The following DIXDC1 variants were observed in gnomAD, a reference collection of about 807,000 sequenced individuals.
The protein encoded by DIXDC1 is dixin.
Under a neutral mutation model 103.1 loss-of-function variants are expected in DIXDC1, and 64 were observed. The observed-to-expected ratio is 0.62, with a 90% confidence interval of 0.51 to 0.76. DIXDC1 has a LOEUF of 0.76. Ranked by LOEUF, DIXDC1 falls within the 30% of genes least tolerant of loss-of-function variation. DIXDC1 has a pLI of 0.00. For missense variants in DIXDC1, 759 were observed against 834.2 expected (o/e 0.91, Z 1.11); for synonymous variants, 266 against 298.5 (o/e 0.89, Z 1.12).
At chr11:111,981,778 C>T (rs587754514) in intron 6 of DIXDC1, among the ~76,000 whole-genome samples, 140 of 152,244 alleles carry the variant, frequency 9.2e-4, no homozygotes, top group African/African-American at 3.2e-3. Context: ...GACAAGGAAA[C>T]CAGAGCAAAG....
chr11:111,994,917 A>C lies in DIXDC1; in HGVS notation c.1438-102A>C, dbSNP rs977914938. On this transcript the variant is annotated intron_variant, in intron 14 of 19. Transcript: ENST00000440460. Reference sequence around the variant, plus strand: ...AGAGAGCCATTAAACAGACAATTATATACTTCATCAGGAAGTGATAAATGT... The same window carrying C: ...AGAGAGCCATTAAACAGACAATTATCTACTTCATCAGGAAGTGATAAATGT... 2.7e-5 allele frequency: 29 copies of C among 1,067,308 alleles called. No homozygotes were observed. The South Asian group carries it at 3.0e-4, about 11-fold the overall frequency. 66.1% of individuals were successfully genotyped at this position (1,067,308 alleles called of 1,614,324 possible).
At chr11:111,986,519 C>A (rs1860496617) in intron 8 of DIXDC1, among the ~76,000 whole-genome samples, 1 of 151,980 alleles carries the variant, frequency 6.6e-6, no homozygotes, top group Non-Finnish European at 1.5e-5. Context: ...TGTGCACCAC[C>A]ACACCTGGCT....
intron 1 of DIXDC1, among the ~76,000 whole-genome samples, chr11:111,959,140 A>G (rs1221239888): frequency 2.0e-5 from 3 of 152,190 alleles, no homozygotes; most frequent in African/African-American, 4.8e-5. Context: ...GGACCTGCCA[A>G]ATGGTGGGGC....
intron 5 of DIXDC1, chr11:111,975,403 A>G: frequency 9.7e-7 from 1 of 1,032,918 alleles, no homozygotes; most frequent in Non-Finnish European, 1.2e-6. Flanking sequence ...GAAGAAATTG[A>G]GCAGAGTTGT....
chr11:111,963,769 T>C (rs1859646359), intron 1 of DIXDC1, among the ~76,000 whole-genome samples: 2 of 152,218 alleles, frequency 1.3e-5, no homozygotes, highest in African/African-American at 4.8e-5. Flanking sequence ...GAATGAGTTG[T>C]ATGTCCCTAC....
At chr11:111,967,561 C>T (rs2137517198) in intron 2 of DIXDC1, among the ~76,000 whole-genome samples, 1 of 152,338 alleles carries the variant, frequency 6.6e-6, no homozygotes, top group East Asian at 1.9e-4. Flanking sequence ...TGTTTCCTCT[C>T]TCCATAGTCT....
At chr11:112,009,022 G>GT (rs1555176962) in intron 17 of DIXDC1, among the ~76,000 whole-genome samples, 1 of 152,102 alleles carries the variant, frequency 6.6e-6, no homozygotes, top group African/African-American at 2.4e-5. Flanking sequence ...CCAGGAGCTG[G>GT]TTTTTTGAAG....
intron 9 of DIXDC1, among the ~76,000 whole-genome samples, chr11:111,988,024 G>A (rs781949793): frequency 6.6e-6 from 1 of 151,676 alleles, no homozygotes; most frequent in Non-Finnish European, 1.5e-5. Flanking sequence ...TTTTGAGACA[G>A]AGTCTCACTC....
upstream of DIXDC1, among the ~76,000 whole-genome samples, chr11:111,933,453 G>C (rs1295280326): frequency 2.0e-5 from 3 of 151,768 alleles, no homozygotes; most frequent in East Asian, 5.8e-4. Flanking sequence ...TTTTTTTGAG[G>C]CAGTGTCTCA....
chr11:111,986,221 A>T (rs1304153422), intron 8 of DIXDC1, among the ~76,000 whole-genome samples: 1 of 152,126 alleles, frequency 6.6e-6, no homozygotes, highest in Admixed American at 6.5e-5. Context: ...ACCCTTCTGC[A>T]TACAACTTTT....
At chr11:111,990,693 T>C (rs892848233) in intron 10 of DIXDC1, among the ~76,000 whole-genome samples, 2 of 152,036 alleles carry the variant, frequency 1.3e-5, no homozygotes, top group Non-Finnish European at 2.9e-5. Context: ...GCCTTGAATA[T>C]ATGGTTTTTT....
intron 3 of DIXDC1, among the ~76,000 whole-genome samples, chr11:111,972,214 T>G (rs1859959697): frequency 6.6e-6 from 1 of 152,188 alleles, no homozygotes; most frequent in Admixed American, 6.5e-5. Flanking sequence ...AAATAAAAAT[T>G]TACCCATTTC....
intron 1 of DIXDC1, among the ~76,000 whole-genome samples, chr11:111,927,820 A>AG (rs1298204351): frequency 7.2e-5 from 11 of 151,766 alleles, no homozygotes; most frequent in Admixed American, 3.3e-4. Context: ...GTTCGAGACC[A>AG]GCCTGGCGAA....
intron 5 of DIXDC1, among the ~76,000 whole-genome samples, chr11:111,980,309 G>A (rs896959379): frequency 1.3e-5 from 2 of 152,154 alleles, no homozygotes; most frequent in Non-Finnish European, 2.9e-5. Context: ...CAGTGTTTTG[G>A]AAATAAAATT....
Position 112,020,055 on chromosome 11 carries a change from T to C in DIXDC1, c.*1019T>C, listed in dbSNP as rs1861708880. ...TTTCTATTTATGTATTAGTCTAGGC[T>C]GATCTTTTAGGGCACAATAGAAACC... On this transcript the variant is annotated 3_prime_UTR_variant, in exon 20 of 20. Coordinates refer to ENST00000440460, the MANE Select transcript of DIXDC1 (RefSeq NM_001037954.4). 1 of 152,226 alleles carries C rather than the reference T, an allele frequency of 6.6e-6. No individual in the cohort carries two copies. The highest frequency in any genetic ancestry group is 2.1e-4 in the South Asian group (1 of 4,834). The allele number at this position is 152,226 out of a possible 1,614,324, so 9.4% of individuals were successfully genotyped here. A position where few individuals can be genotyped will look rare whatever the true frequency, so the allele number is the denominator to read the frequency against.
chr11:111,995,523 C>T lies in DIXDC1; in HGVS notation c.1648C>T (p.Arg550Cys), dbSNP rs368990570. ...LEQGISSLME[R>C]LHVMETQKKQ... ...GCAGGGCATTTCTAGCCTCATGGAG[C>T]GCCTGCATGTTATGGAGACGCAGAA... Residue 550 changes from arginine (R) to cysteine (C), a missense_variant, in exon 16 of 20, where the codon CGC becomes TGC. This residue lies in a region of DIXDC1 where 657 missense variants were observed against 727.5 expected (regional missense o/e 0.90). Transcript: ENST00000440460. The T allele has an allele frequency of 2.0e-5, 32 of 1,613,950 alleles. No individual in the cohort carries two copies. The African/African-American group carries it at 2.4e-4, about 12-fold the overall frequency.
chr11:111,936,936 C>A (rs138804798), upstream of DIXDC1, among the ~76,000 whole-genome samples: 1 of 151,134 alleles, frequency 6.6e-6, no homozygotes, highest in South Asian at 2.1e-4. Flanking sequence ...TGTGTGCGCG[C>A]GCGCGGCTGC....
chr11:111,930,972 G>A (rs1275679916), intron 2 of DIXDC1, among the ~76,000 whole-genome samples: 1 of 149,842 alleles, frequency 6.7e-6, no homozygotes, highest in Non-Finnish European at 1.5e-5. Context: ...TCCTGCCTCA[G>A]CCTCCCGAGC....
chr11:111,965,246 T>C (rs587721325), intron 2 of DIXDC1, among the ~76,000 whole-genome samples: 1 of 152,344 alleles, frequency 6.6e-6, no homozygotes, highest in African/African-American at 2.4e-5. Context: ...GATGGTACCA[T>C]AACCTTATTT....
Sources: gnomAD v4.1 joint callset for allele counts (sites outside exome capture counted in the v4.1 genomes callset) on GRCh38, gnomAD v4.1.1 for gene constraint, gnomAD v4.1.1 regional missense constraint, MANE v1.5 for transcripts, NCBI Gene and HGNC (gene_info 2026-07-23, HGNC 2026-07-21) for gene names.